Variants in ELP2 observed in about 807,000 individuals in gnomAD.
The protein encoded by ELP2 is elongator complex protein 2.
ELP2 carries 90 observed loss-of-function variants against 119.2 expected under a neutral mutation model. The ratio of observed to expected loss-of-function variants is 0.75; its 90% CI spans 0.64 to 0.90. ELP2 has a LOEUF of 0.90. Ranked by LOEUF, ELP2 falls within the 40% of genes least tolerant of loss-of-function variation. The pLI, the probability that ELP2 is intolerant of heterozygous loss-of-function variation, is 0.00. For missense variants in ELP2, 921 were observed against 967.8 expected (o/e 0.95, Z 0.64); for synonymous variants, 339 against 331.0 (o/e 1.02, Z -0.26).
chr18:36,160,353 T>A (rs999858334), intron 16 of ELP2, among the ~76,000 whole-genome samples: 2 of 152,020 alleles, frequency 1.3e-5, no homozygotes, highest in African/African-American at 2.4e-5. Flanking sequence ...AGCAGGAGGA[T>A]CACTTGAGGC....
intron 11 of ELP2, among the ~76,000 whole-genome samples, chr18:36,148,994 CAGA>C (rs1479574046): frequency 6.6e-6 from 1 of 152,242 alleles, no homozygotes; most frequent in East Asian, 1.9e-4. Flanking sequence ...TGTCAGGTTT[CAGA>C]AGGAGTAGCC....
chr18:36,138,371 C>G lies in ELP2; in HGVS notation c.390C>G (p.Ile130Met), dbSNP rs374188452. The change falls in exon 4 of 22, where the codon ATC (isoleucine) becomes ATG (methionine). Residue 130 changes from isoleucine (I) to methionine (M), a missense_variant. Transcript: ENST00000358232. ...RTSDPALCTLIVSAAADSAVR... is the reference protein window; with the variant it reads ...RTSDPALCTLMVSAAADSAVR... ...CAGATCCTGCATTATGTACACTGAT[C>G]GTTTCTGCAGCTGCAGATTCTGCTG... is the stretch of plus-strand genomic sequence containing the variant. 40 of 1,614,050 alleles carry G rather than the reference C, an allele frequency of 2.5e-5. No individual in the cohort carries two copies. Among genetic ancestry groups the G allele is most frequent in the South Asian group, 2.2e-4 (20 of 91,066 alleles).
intron 20 of ELP2, 141 bp from the exon 21 acceptor site, chr18:36,170,906 A>C (rs2091059990): frequency 2.8e-6 from 2 of 708,548 alleles, no homozygotes; most frequent in Middle Eastern, 2.3e-4. Flanking sequence ...AGAGCAGTGC[A>C]GCATGTCCTG....
chr18:36,139,418 G>C, intron 5 of ELP2: 1 of 1,535,294 alleles, frequency 6.5e-7, no homozygotes, highest in Non-Finnish European at 8.7e-7. Flanking sequence ...TGCCTCCACA[G>C]TTACCTGGAA....
intron 12 of ELP2, among the ~76,000 whole-genome samples, chr18:36,155,564 A>G (rs1242821749): frequency 6.6e-6 from 1 of 152,068 alleles, no homozygotes; most frequent in Non-Finnish European, 1.5e-5. Flanking sequence ...AAACAGTTGG[A>G]CATTTTATTT....
At chr18:36,140,192 G>T (rs2089972442) in intron 5 of ELP2, among the ~76,000 whole-genome samples, 1 of 152,010 alleles carries the variant, frequency 6.6e-6, no homozygotes, top group South Asian at 2.1e-4. Context: ...TTGACACAGG[G>T]TCTCATTCTG....
At chr18:36,139,052 A>T (rs1247251715) in intron 5 of ELP2, among the ~76,000 whole-genome samples, 180 bp downstream of exon 5, 1 of 152,210 alleles carries the variant, frequency 6.6e-6, no homozygotes, top group African/African-American at 2.4e-5. Flanking sequence ...ACATAAAGTT[A>T]AGGGGGGCTT....
Position 36,167,129 on chromosome 18 carries a change from C to T in ELP2, c.1983C>T (p.Thr661=), listed in dbSNP as rs199823443. ...FEPVFSLFAF[T]NKITSVHSRI... ...CAGTTTTTAGTCTTTTTGCCTTCAC[C>T]AACAAAATTACTTCTGTGCACAGTA... The change falls in exon 19 of 22, where the codon ACC becomes ACT. Residue 661 remains threonine, a synonymous_variant. Transcript: ENST00000358232. The T allele has an allele frequency of 7.8e-5, 125 of 1,598,580 alleles. No individual in the cohort carries two copies. The highest frequency in any genetic ancestry group is 1.0e-4 in the Non-Finnish European group (120 of 1,172,694).
intron 8 of ELP2, 56 bp downstream of exon 8, chr18:36,143,022 AT>A (rs529291171): frequency 3.7e-4 from 487 of 1,326,886 alleles, no homozygotes; most frequent in Admixed American, 8.0e-4. Context: ...TAGTTGGTTG[AT>A]TTTTTTTTCA....
Position 36,133,314 on chromosome 18 carries a change from G to T in ELP2, c.215G>T (p.Gly72Val), listed in dbSNP as rs753671102. 6.2e-7 allele frequency: 1 copy of T among 1,610,566 alleles called. No individual in the cohort carries two copies. Among genetic ancestry groups the T allele is most frequent in the South Asian group, 1.1e-5 (1 of 91,012 alleles). ...NCIQWICKQD[G>V]SPSTELVSGG... Reference sequence around the variant, plus strand: ...ATACAGTGGATTTGTAAACAGGATGGCTGTAAGTATTAACCAGATTTTAAA... The same window carrying T: ...ATACAGTGGATTTGTAAACAGGATGTCTGTAAGTATTAACCAGATTTTAAA... The change falls in exon 2 of 22, where the codon GGC becomes GTC. Residue 72 changes from glycine (G) to valine (V), a missense_variant and splice_region_variant. Gly to Val is a moderately radical substitution (Grantham distance 109). Coordinates refer to ENST00000358232, the MANE Select transcript of ELP2 (RefSeq NM_018255.4).
intron 17 of ELP2, among the ~76,000 whole-genome samples, chr18:36,161,513 T>C (rs988684156): frequency 6.6e-6 from 1 of 152,186 alleles, no homozygotes; most frequent in African/African-American, 2.4e-5. Context: ...GACTGTTTTT[T>C]GAGGACACTC....
rs139251707 is a variant in ELP2 at position 36,160,941 on chromosome 18, C to T, written c.1698C>T (p.His566=). The stretch of plus-strand genomic sequence containing the variant: ...TCTTTTTAAATTTTAGATATGGGCA[C>T]GGTTATGAAATATTTTGTGTTACTT... ...LWPEVQKLYG[H]GYEIFCVTCN... Residue 566 remains histidine, a synonymous_variant, in exon 17 of 22, where the codon CAC becomes CAT. Transcript: ENST00000358232. 81 of 1,610,674 alleles carry T rather than the reference C, an allele frequency of 5.0e-5. No homozygotes were observed. Among genetic ancestry groups the T allele is most frequent in the African/African-American group, 2.0e-4 (15 of 74,830 alleles).
At chr18:36,146,454 A>G in intron 11 of ELP2, 73 bp downstream of exon 11, 1 of 1,529,124 alleles carries the variant, frequency 6.5e-7, no homozygotes. Context: ...TATTTTGCTT[A>G]TAACACTCTA....
rs1015249148 is a variant in ELP2 at position 36,179,878 on chromosome 18, C to G, written c.*5237C>G. ...ACCCCAATGAGTTGGGCAACAGAAA[C>G]CCAGCTCACACTGGCTGTCACTGTG... On this transcript the variant is annotated 3_prime_UTR_variant, in exon 22 of 22. Transcript: ENST00000358232. 1 of 152,192 alleles carries G rather than the reference C, an allele frequency of 6.6e-6. No homozygotes were observed. The highest frequency in any genetic ancestry group is 2.4e-5 in the African/African-American group (1 of 41,424). 9.4% of individuals were successfully genotyped at this position (152,192 alleles called of 1,614,324 possible).
At chr18:36,152,097 G>A (rs1174597482) in intron 11 of ELP2, among the ~76,000 whole-genome samples, 2 of 151,484 alleles carry the variant, frequency 1.3e-5, no homozygotes, top group Admixed American at 1.3e-4. Context: ...AGAGGCTGAG[G>A]TGGGAAGATC....
At chr18:36,163,395 A>G (rs937649351) in intron 17 of ELP2, among the ~76,000 whole-genome samples, 6 of 151,716 alleles carry the variant, frequency 4.0e-5, no homozygotes, top group African/African-American at 1.5e-4. Flanking sequence ...GCTTATGTAG[A>G]TATTTTTTCT....
At position 36,171,506 on chromosome 18, in the gene ELP2, G is replaced by A. The variant is rs7242754; in HGVS notation, c.2324+346G>A. ...GTTTGTGATTTTTAAAAATATTCTG[G>A]ATTGCACTTTGGTAGTCGTATCCTT... is the stretch of plus-strand genomic sequence containing the variant. On this transcript the variant is annotated intron_variant, in intron 21 of 21. Transcript: ENST00000358232. 6.9e-3 allele frequency among the ~76,000 whole-genome samples: 1,048 copies of A among 152,216 alleles called. 14 individuals are homozygous for A. The highest frequency in any genetic ancestry group is 0.023 in the African/African-American group (973 of 41,518).
At chr18:36,143,002 T>G (rs1361818942) in intron 8 of ELP2, 36 bp downstream of exon 8, 2 of 1,486,210 alleles carry the variant, frequency 1.3e-6, no homozygotes, top group East Asian at 4.6e-5. Context: ...ATAACGATAC[T>G]TAGGTCTCCT....
intron 11 of ELP2, among the ~76,000 whole-genome samples, chr18:36,150,108 A>G (rs1484784982): frequency 2.6e-5 from 4 of 152,182 alleles, no homozygotes; most frequent in African/African-American, 7.2e-5. Context: ...CCCCAGGTCT[A>G]CTAGCATCAG....
Sources: gnomAD v4.1 joint callset for allele counts (sites outside exome capture counted in the v4.1 genomes callset) on GRCh38, gnomAD v4.1.1 for gene constraint, MANE v1.5 for transcripts, NCBI Gene and HGNC (gene_info 2026-07-23, HGNC 2026-07-21) for gene names.